Variants in CCDC3 observed in about 807,000 individuals in gnomAD.
CCDC3 encodes the protein coiled-coil domain containing 3.
CCDC3 carries 24 observed loss-of-function variants against 21.4 expected under a neutral mutation model. The observed-to-expected ratio is 1.12, with a 90% confidence interval of 0.81 to 1.58. CCDC3 has a LOEUF of 1.58. Among genes scored for constraint, CCDC3 ranks in the 40% most tolerant of loss-of-function variants. The pLI is 0.00. For missense variants in CCDC3, 425 were observed against 360.9 expected (o/e 1.18, Z -1.44); for synonymous variants, 186 against 166.0 (o/e 1.12, Z -0.93).
intron 2 of CCDC3, among the ~76,000 whole-genome samples, chr10:12,935,767 G>A (rs1834727177): frequency 6.6e-6 from 1 of 151,654 alleles, no homozygotes; most frequent in African/African-American, 2.4e-5. Context: ...GCAGGTTCAC[G>A]CCATTCTCCT....
upstream of CCDC3, among the ~76,000 whole-genome samples, chr10:13,003,300 T>C (rs553323418): frequency 3.9e-5 from 6 of 152,294 alleles, no homozygotes; most frequent in East Asian, 1.2e-3. Flanking sequence ...CTCCAAACAA[T>C]ATTCTGAAGT....
chr10:13,078,880 A>G (rs1836998531), intron 3 of CCDC3, among the ~76,000 whole-genome samples: 2 of 147,406 alleles, frequency 1.4e-5, no homozygotes, highest in Admixed American at 1.3e-4. Context: ...GGAGGTGGGG[A>G]GGGATAGCAT....
intron 2 of CCDC3, among the ~76,000 whole-genome samples, chr10:12,916,662 C>T (rs966963734): frequency 3.3e-5 from 5 of 152,120 alleles, no homozygotes; most frequent in Admixed American, 6.5e-5. Flanking sequence ...GGGGTGCCAA[C>T]CTGGTACTAT....
chr10:13,076,686 C>T (rs1475353728), intron 3 of CCDC3, among the ~76,000 whole-genome samples: 2 of 152,202 alleles, frequency 1.3e-5, no homozygotes, highest in Non-Finnish European at 2.9e-5. Flanking sequence ...GCTGGACATG[C>T]TCACAGACAT....
At chr10:12,916,392 A>C (rs1378286902) in intron 2 of CCDC3, among the ~76,000 whole-genome samples, 2 of 145,172 alleles carry the variant, frequency 1.4e-5, no homozygotes, top group Non-Finnish European at 3.0e-5. Context: ...GTGCCACTGC[A>C]CTCCAGCCTG....
At chr10:13,072,914 T>C (rs1339314546) in intron 4 of CCDC3, among the ~76,000 whole-genome samples, 1 of 144,634 alleles carries the variant, frequency 6.9e-6, no homozygotes, top group East Asian at 2.1e-4. Context: ...TCACCCAGGC[T>C]AGAGTGCAGT....
At chr10:12,925,277 A>C (rs949821766) in intron 2 of CCDC3, among the ~76,000 whole-genome samples, 1 of 152,162 alleles carries the variant, frequency 6.6e-6, no homozygotes, top group Admixed American at 6.5e-5. Flanking sequence ...GAGAGCTGTT[A>C]AGGTCCCCAA....
intron 5 of CCDC3, among the ~76,000 whole-genome samples, chr10:13,034,919 G>C (rs1212643276): frequency 6.6e-6 from 1 of 152,042 alleles, no homozygotes; most frequent in Non-Finnish European, 1.5e-5. Context: ...CCAGCTACTT[G>C]GGAGGCTGAG....
rs1212456630 is a variant in CCDC3, at chr10:12,994,413, C to CA, written c.549+3924dup. ...ACTCCGTCTCAAAAACAAAACAAAA[C>CA]AAAAAAAAAAAACACCCAGCACCCA... On this transcript the variant is annotated intron_variant, in intron 2 of 2. Transcript: ENST00000378825. Among the ~76,000 whole-genome samples the CA allele has an allele frequency of 2.5e-3, 307 of 125,056 alleles. 1 individual carries two copies. Among genetic ancestry groups the CA allele is most frequent in the East Asian group, 0.02 (87 of 4,278 alleles). 82.0% of individuals were successfully genotyped at this position (125,056 alleles called of 152,430 possible).
intron 1 of CCDC3, among the ~76,000 whole-genome samples, chr10:13,000,960 A>C (rs1044740892): frequency 6.6e-6 from 1 of 152,188 alleles, no homozygotes; most frequent in Admixed American, 6.5e-5. Flanking sequence ...TCTGTGTACA[A>C]GGCACAGAAA....
chr10:13,060,596 C>T (rs1359903792), intron 4 of CCDC3, among the ~76,000 whole-genome samples: 2 of 152,186 alleles, frequency 1.3e-5, no homozygotes, highest in African/African-American at 4.8e-5. Flanking sequence ...CCTCAAACTC[C>T]TGGGCTCAAG....
chr10:13,097,683 C>A lies in CCDC3; in HGVS notation c.-503+842G>T, dbSNP rs567608326. 8.2e-4 allele frequency among the ~76,000 whole-genome samples: 125 copies of A among 152,290 alleles called. 1 individual carries two copies. Among genetic ancestry groups the A allele is most frequent in the African/African-American group, 2.8e-3 (118 of 41,552 alleles). ...AGATTGCAGTGAGCTGAGATTATGC[C>A]ACTGCACTCCAGCCTGGGCAACAGA... On this transcript the variant is annotated intron_variant, in intron 3 of 6. Transcript: ENST00000378839.
Position 12,968,196 on chromosome 10 carries a change from C to CACACAT in CCDC3, c.549+30136_549+30141dup, listed in dbSNP as rs1439262031. Among the ~76,000 whole-genome samples, 390 of 136,988 alleles carry CACACAT rather than the reference C, an allele frequency of 2.8e-3. 8 individuals are homozygous for CACACAT. The East Asian group carries it at 0.047, about 17-fold the overall frequency. The allele number at this position is 136,988 out of a possible 152,430, so 89.9% of individuals were successfully genotyped here. A position where few individuals can be genotyped will look rare whatever the true frequency, so the allele number is the denominator to read the frequency against. Reference sequence around the variant, plus strand: ...AAAAAAAAAAGAAAATACAAACACACACACATACACACACACACACACACA... The same window carrying CACACAT: ...AAAAAAAAAAGAAAATACAAACACACACACATACACATACACACACACACACACACA... On this transcript the variant is annotated intron_variant, in intron 2 of 2. Coordinates refer to ENST00000378825, the MANE Select transcript of CCDC3 (RefSeq NM_031455.4).
intron 2 of CCDC3, among the ~76,000 whole-genome samples, chr10:12,994,422 A>G (rs894252791): frequency 6.8e-6 from 1 of 146,488 alleles, no homozygotes; most frequent in South Asian, 2.1e-4. Flanking sequence ...ACAAAAAAAA[A>G]AAACACCCAG....
intron 2 of CCDC3, among the ~76,000 whole-genome samples, chr10:12,904,854 T>C (rs952351124): frequency 1.3e-5 from 2 of 152,240 alleles, no homozygotes; most frequent in African/African-American, 4.8e-5. Context: ...AAGCATTTAT[T>C]GTGTGCCTGG....
At chr10:13,083,702 T>C (rs988195619) in intron 3 of CCDC3, among the ~76,000 whole-genome samples, 1 of 152,280 alleles carries the variant, frequency 6.6e-6, no homozygotes, top group African/African-American at 2.4e-5. Flanking sequence ...CTTCCTCTTT[T>C]CCTTTGTTCT....
intron 4 of CCDC3, among the ~76,000 whole-genome samples, chr10:13,070,107 C>CT (rs36097625): frequency 0.54 from 82,223 of 151,946 alleles, 22,444 homozygotes; most frequent in Admixed American, 0.64. Flanking sequence ...CTGAGGTAAT[C>CT]TTTTGACTTT....
At chr10:13,046,717 A>G (rs899704406) in intron 5 of CCDC3, among the ~76,000 whole-genome samples, 5 of 151,912 alleles carry the variant, frequency 3.3e-5, no homozygotes. Flanking sequence ...CAAAAAAAAA[A>G]AAAAAGAAGA....
At chr10:13,076,607 G>A (rs1259968252) in intron 3 of CCDC3, among the ~76,000 whole-genome samples, 3 of 152,208 alleles carry the variant, frequency 2.0e-5, no homozygotes, top group African/African-American at 4.8e-5. Context: ...CCTATCCTAT[G>A]TAGTTATTAA....
Sources: gnomAD v4.1 joint callset for allele counts (sites outside exome capture counted in the v4.1 genomes callset) on GRCh38, gnomAD v4.1.1 for gene constraint, MANE v1.5 for transcripts, NCBI Gene and HGNC (gene_info 2026-07-23, HGNC 2026-07-21) for gene names.